FHOD3: variants seen among roughly 807,000 people sequenced by gnomAD.
FHOD3 encodes FH1/FH2 domain-containing protein 3.
Under a neutral mutation model 173.0 loss-of-function variants are expected in FHOD3, and 90 were observed. That is an observed-to-expected ratio of 0.52 (90% CI 0.44 to 0.62). FHOD3 has a LOEUF of 0.62. FHOD3 is among the 20% of genes least tolerant of loss of function. The pLI, the probability that FHOD3 is intolerant of heterozygous loss-of-function variation, is 0.00. For missense variants in FHOD3, 1,945 were observed against 2,034.7 expected (o/e 0.96, Z 0.85); for synonymous variants, 828 against 823.0 (o/e 1.01, Z -0.10).
At chr18:36,379,143 C>T (rs893930745) in intron 3 of FHOD3, among the ~76,000 whole-genome samples, 3 of 152,100 alleles carry the variant, frequency 2.0e-5, no homozygotes, top group African/African-American at 2.4e-5. Flanking sequence ...TACAGACATG[C>T]GGATAAACAG....
intron 5 of FHOD3, among the ~76,000 whole-genome samples, chr18:36,543,116 C>G (rs566081712): frequency 6.6e-6 from 1 of 152,308 alleles, no homozygotes; most frequent in African/African-American, 2.4e-5. Context: ...AGCGTCCAGC[C>G]TGACAGTCTT....
At chr18:36,650,760 T>A (rs749321746) in intron 11 of FHOD3, among the ~76,000 whole-genome samples, 5 of 152,170 alleles carry the variant, frequency 3.3e-5, no homozygotes, top group Non-Finnish European at 7.3e-5. Flanking sequence ...TTCTGCACCT[T>A]CAGACCAGAT....
intron 8 of FHOD3, among the ~76,000 whole-genome samples, chr18:36,605,199 G>T (rs2031921138): frequency 1.3e-5 from 2 of 152,094 alleles, no homozygotes; most frequent in Admixed American, 1.3e-4. Flanking sequence ...GTCCTTTTTA[G>T]TCACTGCCAT....
intron 3 of FHOD3, among the ~76,000 whole-genome samples, chr18:36,404,031 T>A (rs2048944158): frequency 6.6e-6 from 1 of 152,200 alleles, no homozygotes; most frequent in Non-Finnish European, 1.5e-5. Flanking sequence ...ATCCCCTGCA[T>A]ACAGAGGCAG....
At chr18:36,637,905 G>A (rs1015813374) in intron 10 of FHOD3, among the ~76,000 whole-genome samples, 5 of 152,182 alleles carry the variant, frequency 3.3e-5, no homozygotes, top group Non-Finnish European at 7.3e-5. Context: ...GATGCCACCA[G>A]CAGGTAGAAG....
At chr18:36,503,138 C>A (rs2055126575) in intron 4 of FHOD3, among the ~76,000 whole-genome samples, 1 of 152,096 alleles carries the variant, frequency 6.6e-6, no homozygotes, top group Non-Finnish European at 1.5e-5. Flanking sequence ...GAGAAAGTCA[C>A]CAACATAATG....
intron 3 of FHOD3, among the ~76,000 whole-genome samples, chr18:36,456,143 C>G (rs1370826406): frequency 2.6e-5 from 4 of 152,116 alleles, no homozygotes; most frequent in Admixed American, 1.3e-4. Context: ...GCGCACTGAA[C>G]AGTGACAGGT....
At chr18:36,537,697 A>C (rs567354187) in intron 5 of FHOD3, among the ~76,000 whole-genome samples, 1 of 152,226 alleles carries the variant, frequency 6.6e-6, no homozygotes, top group Non-Finnish European at 1.5e-5. Context: ...TGCAAAATAC[A>C]TGAAGCAAAA....
intron 1 of FHOD3, among the ~76,000 whole-genome samples, chr18:36,303,508 A>G (rs1438449999): frequency 2.0e-5 from 3 of 152,120 alleles, no homozygotes; most frequent in Non-Finnish European, 4.4e-5. Flanking sequence ...CCCTCTGGAA[A>G]ACAACAGGAC....
chr18:36,490,666 C>T (rs1338782092), intron 3 of FHOD3, among the ~76,000 whole-genome samples: 1 of 152,200 alleles, frequency 6.6e-6, no homozygotes, highest in Non-Finnish European at 1.5e-5. Flanking sequence ...CAATACTGGG[C>T]TGTCCTCTTT....
intron 7 of FHOD3, among the ~76,000 whole-genome samples, chr18:36,601,948 C>G (rs1165290549): frequency 6.6e-6 from 1 of 152,170 alleles, no homozygotes; most frequent in Non-Finnish European, 1.5e-5. Context: ...GCCTGCAGAG[C>G]CCAGGCAGCA....
chr18:36,755,067 A>G, intron 24 of FHOD3, 52 bp from the exon 25 acceptor site: 2 of 1,248,500 alleles, frequency 1.6e-6, no homozygotes, highest in Non-Finnish European at 2.1e-6. Flanking sequence ...TAGACAAGTA[A>G]TTTTTATTTC....
At chr18:36,351,962 G>A (rs998491891) in intron 1 of FHOD3, among the ~76,000 whole-genome samples, 1 of 152,116 alleles carries the variant, frequency 6.6e-6, no homozygotes, top group Non-Finnish European at 1.5e-5. Context: ...CCTGGGTAAG[G>A]GTCTGTCAGT....
In FHOD3 at chr18:36,757,510, A is replaced by T. The variant is rs78019898; in HGVS notation, c.4426-1608A>T. 8.8e-3 allele frequency among the ~76,000 whole-genome samples: 1,337 copies of T among 152,318 alleles called. 15 individuals carry two copies. The highest frequency in any genetic ancestry group is 0.03 in the African/African-American group (1,243 of 41,558). ...TACACAACTTAAACCACTGAAAACA[A>T]AGCCAGACAGTAGACTTAGAATCAC... On this transcript the variant is annotated intron_variant, in intron 25 of 28. Transcript: ENST00000590592.
At chr18:36,704,087 T>A (rs1225615168) in intron 17 of FHOD3, among the ~76,000 whole-genome samples, 1 of 152,208 alleles carries the variant, frequency 6.6e-6, no homozygotes, top group Non-Finnish European at 1.5e-5. Context: ...TTCTTTTCTA[T>A]TACTTCTTCC....
In FHOD3 at chr18:36,705,061, G is replaced by A. The variant is rs868699582; in HGVS notation, c.2237-4034G>A. Reference sequence around the variant, plus strand: ...GACTAGGGGCCTCACTCCACAGCTCGCAGGCACACCCAAGCTGTTCCCAGC... The same window carrying A: ...GACTAGGGGCCTCACTCCACAGCTCACAGGCACACCCAAGCTGTTCCCAGC... On this transcript the variant is annotated intron_variant, in intron 17 of 28. Coordinates refer to ENST00000590592, the MANE Select transcript of FHOD3 (RefSeq NM_001281740.3). Among the ~76,000 whole-genome samples the A allele has an allele frequency of 2.0e-5, 3 of 152,218 alleles. No individual in the cohort carries two copies. In the East Asian group the frequency reaches 5.8e-4, roughly 29 times the overall value.
At chr18:36,376,134 G>A (rs1290541566) in intron 3 of FHOD3, among the ~76,000 whole-genome samples, 1 of 152,128 alleles carries the variant, frequency 6.6e-6, no homozygotes, top group Non-Finnish European at 1.5e-5. Context: ...GGGCCAACTG[G>A]CTCTGATAAC....
chr18:36,658,067 C>A lies in FHOD3; in HGVS notation c.1722-8C>A. 1 of 1,599,426 alleles carries A rather than the reference C, an allele frequency of 6.3e-7. No homozygotes were observed. Among genetic ancestry groups the A allele is most frequent in the Non-Finnish European group, 8.5e-7 (1 of 1,170,264 alleles). ...TTTCCCCCCAACTTAAACCTCTGCA[C>A]TTCTTAGATACAGCAATTTTGGCAA... On this transcript the variant is annotated splice_polypyrimidine_tract_variant and splice_region_variant and intron_variant, in intron 13 of 28. Coordinates refer to ENST00000590592, the MANE Select transcript of FHOD3 (RefSeq NM_001281740.3).
chr18:36,431,425 C>A lies in FHOD3; in HGVS notation c.337+58681C>A, dbSNP rs577901250. Among the ~76,000 whole-genome samples, 3 of 152,312 alleles carry A rather than the reference C, an allele frequency of 2.0e-5. No homozygotes were observed. In the East Asian group the frequency reaches 5.8e-4, roughly 29 times the overall value. ...CCTGAAAACCTGACACATGGGTGTG[C>A]AAGCCTGTTTCCATCGGTCAAGTCT... On this transcript the variant is annotated intron_variant, in intron 3 of 28. Coordinates refer to ENST00000590592, the MANE Select transcript of FHOD3 (RefSeq NM_001281740.3).
Sources: allele counts gnomAD v4.1 joint callset (sites outside exome capture counted in the v4.1 genomes callset), GRCh38; gene constraint gnomAD v4.1.1; transcripts MANE v1.5; gene names NCBI Gene and HGNC (gene_info 2026-07-23, HGNC 2026-07-21).